Variants in PTPN14 observed in about 807,000 individuals in gnomAD.
The protein encoded by PTPN14 is protein tyrosine phosphatase non-receptor type 14, also known as tyrosine-protein phosphatase non-receptor type 14.
A neutral mutation model predicts 126.8 loss-of-function variants in PTPN14; 53 were observed. That is an observed-to-expected ratio of 0.42 (90% CI 0.34 to 0.53). The LOEUF (loss-of-function observed/expected upper bound fraction) is 0.53. Ranked by LOEUF, PTPN14 falls within the 20% of genes least tolerant of loss-of-function variation. PTPN14 has a pLI of 0.08. For missense variants in PTPN14, 1,257 were observed against 1,552.9 expected (o/e 0.81, Z 3.20); for synonymous variants, 630 against 599.3 (o/e 1.05, Z -0.75).
At chr1:214,550,963 C>T (rs1656093933) in intron 1 of PTPN14, among the ~76,000 whole-genome samples, 1 of 152,238 alleles carries the variant, frequency 6.6e-6, no homozygotes, top group Non-Finnish European at 1.5e-5. Flanking sequence ...TTCCAGCTCG[C>T]TCCCGGGACC....
chr1:214,371,490 A>G (rs1658217414), intron 16 of PTPN14, among the ~76,000 whole-genome samples: 1 of 152,128 alleles, frequency 6.6e-6, no homozygotes, highest in South Asian at 2.1e-4. Context: ...ACTCTGGACT[A>G]TAGTTTTCCA....
At chr1:214,387,173 C>T (rs1658639412) in intron 11 of PTPN14, among the ~76,000 whole-genome samples, 1 of 152,164 alleles carries the variant, frequency 6.6e-6, no homozygotes, top group Non-Finnish European at 1.5e-5. Context: ...AAGAGGTCAC[C>T]ATCAAAGACT....
rs76408971 is a variant in PTPN14, at chr1:214,362,647, T to A, written c.3435+1865A>T. On this transcript the variant is annotated intron_variant, in intron 18 of 18. Transcript: ENST00000366956. ...GAGCTCAGAACAGAATAGTCTTTCG[T>A]GTCAGACAAGACAGAATGGCTTCTT... 9.1e-3 allele frequency among the ~76,000 whole-genome samples: 1,383 copies of A among 152,296 alleles called. 10 individuals carry two copies. Among genetic ancestry groups the A allele is most frequent in the Non-Finnish European group, 0.014 (942 of 68,016 alleles).
rs1657801277 is a variant in PTPN14, at chr1:214,355,677, A to G, written c.*2245T>C. The G allele has an allele frequency of 6.6e-6, 1 of 152,214 alleles. No homozygotes were observed. The highest frequency in any genetic ancestry group is 2.4e-5 in the African/African-American group (1 of 41,450). 9.4% of individuals were successfully genotyped at this position (152,214 alleles called of 1,614,324 possible). ...ATCCCCAGATATTCCGAGTCTAACTAGAGTACAGCCACCACAACACCTGGC... is the reference window on the plus strand; with the variant it reads ...ATCCCCAGATATTCCGAGTCTAACTGGAGTACAGCCACCACAACACCTGGC... On this transcript the variant is annotated 3_prime_UTR_variant, in exon 19 of 19. Transcript: ENST00000366956.
At chr1:214,406,174 A>G (rs1445285811) in intron 5 of PTPN14, among the ~76,000 whole-genome samples, 1 of 152,194 alleles carries the variant, frequency 6.6e-6, no homozygotes, top group Non-Finnish European at 1.5e-5. Flanking sequence ...ACATGCGGCT[A>G]TGGTGCACTA....
At chr1:214,543,212 G>A (rs67542303) in intron 1 of PTPN14, among the ~76,000 whole-genome samples, 22,337 of 152,018 alleles carry the variant, frequency 0.15, 2,223 homozygotes, top group African/African-American at 0.28. Context: ...TATTCTAATC[G>A]GTAAATCCAA....
At chr1:214,409,748 CTT>C (rs1256536268) in intron 5 of PTPN14, among the ~76,000 whole-genome samples, 1 of 44,358 alleles carries the variant, frequency 2.3e-5, no homozygotes, top group Non-Finnish European at 5.2e-5. Context: ...CTCAGTAAGA[CTT>C]TACTCCTCAT....
At chr1:214,477,927 A>T (rs1481252841) in intron 1 of PTPN14, among the ~76,000 whole-genome samples, 2 of 152,238 alleles carry the variant, frequency 1.3e-5, no homozygotes, top group Non-Finnish European at 2.9e-5. Flanking sequence ...AGGATTTCAA[A>T]CCTCCCTAGG....
At chr1:214,479,068 T>C (rs1011564689) in intron 1 of PTPN14, among the ~76,000 whole-genome samples, 8 of 151,842 alleles carry the variant, frequency 5.3e-5, no homozygotes, top group African/African-American at 7.3e-5. Flanking sequence ...TTTTTTGGTC[T>C]GGCACAGTGG....
At chr1:214,487,405 C>A (rs11120336) in intron 1 of PTPN14, among the ~76,000 whole-genome samples, 29,476 of 152,132 alleles carry the variant, frequency 0.19, 3,300 homozygotes, top group Non-Finnish European at 0.24. Context: ...GTGGGCAGAT[C>A]AGCTGAGGTC....
intron 11 of PTPN14, among the ~76,000 whole-genome samples, chr1:214,388,334 C>CG (rs1486710052): frequency 6.6e-6 from 1 of 151,732 alleles, no homozygotes; most frequent in African/African-American, 2.4e-5. Context: ...TTTTGATTTG[C>CG]GGGGGAAAAA....
intron 1 of PTPN14, among the ~76,000 whole-genome samples, chr1:214,521,140 T>A (rs1655243531): frequency 1.3e-5 from 2 of 152,238 alleles, no homozygotes; most frequent in African/African-American, 4.8e-5. Flanking sequence ...AATAAAAACA[T>A]GTTTTCTTGA....
chr1:214,470,483 C>T (rs961007961), intron 1 of PTPN14, among the ~76,000 whole-genome samples: 4 of 152,008 alleles, frequency 2.6e-5, no homozygotes, highest in Admixed American at 6.6e-5. Flanking sequence ...AATATAGCCA[C>T]GTAAAAACAC....
rs1320693613 is a variant in PTPN14 at position 214,378,106 on chromosome 1, G to T, written c.2545-4C>A. 1 of 1,606,290 alleles carries T rather than the reference G, an allele frequency of 6.2e-7. No individual in the cohort carries two copies. Among genetic ancestry groups the T allele is most frequent in the Non-Finnish European group, 8.5e-7 (1 of 1,178,310 alleles). ...CCATCTTCTGCTTCTCTAGATTCTT[G>T]CGGCAAGAAAAGGCATGTGCTCATT... On this transcript the variant is annotated splice_region_variant and splice_polypyrimidine_tract_variant and intron_variant, in intron 13 of 18. Coordinates refer to ENST00000366956, the MANE Select transcript of PTPN14 (RefSeq NM_005401.5).
rs374409039 is a variant in PTPN14 at position 214,368,952 on chromosome 1, A to T, written c.3271+505T>A. 3.9e-5 allele frequency among the ~76,000 whole-genome samples: 6 copies of T among 152,304 alleles called. No individual in the cohort carries two copies. In the South Asian group the frequency reaches 8.3e-4, roughly 21 times the overall value. On this transcript the variant is annotated intron_variant, in intron 17 of 18. Coordinates refer to ENST00000366956, the MANE Select transcript of PTPN14 (RefSeq NM_005401.5). ...AGCTGAGATTGTGCCACTGCACTCC[A>T]GCCTGGGTGACAGAGCGAGACTCCG...
chr1:214,401,889 T>C (rs146823085), intron 6 of PTPN14, 117 bp from the exon 7 acceptor site: 8 of 791,050 alleles, frequency 1.0e-5, no homozygotes, highest in South Asian at 1.6e-5. Context: ...GGAAGAGCAA[T>C]CATTACCCAA....
At chr1:214,505,293 G>A (rs1654811944) in intron 1 of PTPN14, among the ~76,000 whole-genome samples, 1 of 152,144 alleles carries the variant, frequency 6.6e-6, no homozygotes, top group Admixed American at 6.5e-5. Flanking sequence ...ACAGTGAAAG[G>A]GAACACCCAG....
intron 3 of PTPN14, among the ~76,000 whole-genome samples, chr1:214,436,684 G>A (rs1017647900): frequency 6.6e-5 from 10 of 151,854 alleles, no homozygotes; most frequent in Non-Finnish European, 1.3e-4. Flanking sequence ...CTACTGGGGA[G>A]GCTGAGGCAG....
chr1:214,434,505 T>C (rs1659868267), intron 3 of PTPN14, among the ~76,000 whole-genome samples: 1 of 148,250 alleles, frequency 6.7e-6, no homozygotes, highest in African/African-American at 2.5e-5. Context: ...TAACAGAAAG[T>C]GAATCAAAAG....
Sources: gnomAD v4.1 joint callset for allele counts (sites outside exome capture counted in the v4.1 genomes callset) on GRCh38, gnomAD v4.1.1 for gene constraint, MANE v1.5 for transcripts, NCBI Gene and HGNC (gene_info 2026-07-23, HGNC 2026-07-21) for gene names.